Variants in HSD17B4 observed in about 807,000 individuals in gnomAD.
HSD17B4 encodes peroxisomal multifunctional enzyme type 2.
HSD17B4 carries 70 observed loss-of-function variants against 101.0 expected under a neutral mutation model. That is an observed-to-expected ratio of 0.69 (90% CI 0.57 to 0.85). HSD17B4 has a LOEUF of 0.85. Among genes scored for constraint, HSD17B4 ranks in the 40% least tolerant of loss-of-function variants. The probability of loss-of-function intolerance (pLI) is 0.00; values close to 1 mark genes in which losing one functional copy is unlikely to be tolerated. For synonymous variants in HSD17B4, 347 were observed against 297.1 expected, an observed-to-expected ratio of 1.17 and a Z score of -1.73; for missense variants, 984 against 892.4, an observed-to-expected ratio of 1.10 and a Z score of -1.31.
chr5:119,471,828 C>A (rs978509223), intron 2 of HSD17B4: 1 of 552,108 alleles, frequency 1.8e-6, no homozygotes, highest in Non-Finnish European at 3.1e-6. Context: ...GATATTTGTT[C>A]TTATTTGATT....
Position 119,492,050 on chromosome 5 carries a change from T to TTAG in HSD17B4, c.715-48_715-46dup. 2.8e-6 allele frequency: 4 copies of TTAG among 1,452,922 alleles called. No homozygotes were observed. In the South Asian group the frequency reaches 4.6e-5, roughly 17 times the overall value. 90.0% of individuals were successfully genotyped at this position (1,452,922 alleles called of 1,614,324 possible). ...CTTTTTTCTAATTAAAACAATTGTA[T>TTAG]TAGTGATTTCACATTAGATGGTATA... On this transcript the variant is annotated intron_variant, in intron 9 of 23. Coordinates refer to ENST00000510025, the MANE Select transcript of HSD17B4 (RefSeq NM_000414.4).
intron 2 of HSD17B4, among the ~76,000 whole-genome samples, chr5:119,459,038 T>TA (rs1754953436): frequency 6.6e-6 from 1 of 152,244 alleles, no homozygotes; most frequent in Non-Finnish European, 1.5e-5. Flanking sequence ...TAAATTGAAT[T>TA]ACAATCTTTT....
At chr5:119,479,438 T>A (rs955714731) in intron 8 of HSD17B4, among the ~76,000 whole-genome samples, 1 of 152,204 alleles carries the variant, frequency 6.6e-6, no homozygotes, top group African/African-American at 2.4e-5. Context: ...GTCAGAGTGG[T>A]ATATTTATTA....
At chr5:119,458,447 G>T (rs1211224680) in intron 2 of HSD17B4, among the ~76,000 whole-genome samples, 1 of 151,028 alleles carries the variant, frequency 6.6e-6, no homozygotes, top group East Asian at 1.9e-4. Flanking sequence ...GGTTCAAGCA[G>T]TTCTCTGCCT....
chr5:119,496,261 A>G (rs1375558094), intron 11 of HSD17B4, among the ~76,000 whole-genome samples: 1 of 152,206 alleles, frequency 6.6e-6, no homozygotes, highest in Non-Finnish European at 1.5e-5. Context: ...GCTTAAAGAC[A>G]TTGGAAAGCC....
intron 23 of HSD17B4, among the ~76,000 whole-genome samples, chr5:119,540,383 G>A (rs957415769): frequency 2.0e-5 from 3 of 152,208 alleles, no homozygotes; most frequent in Middle Eastern, 3.4e-3. Context: ...GTATGGTTAA[G>A]GGCTTTAAGA....
chr5:119,501,212 T>C (rs1175153476), intron 13 of HSD17B4, among the ~76,000 whole-genome samples: 2 of 152,156 alleles, frequency 1.3e-5, no homozygotes, highest in Non-Finnish European at 2.9e-5. Flanking sequence ...ATCTTGGAAC[T>C]TGAATCCTAG....
chr5:119,473,273 C>CTTTTTTTTTTTTTTTTTT (rs11408993), intron 2 of HSD17B4, among the ~76,000 whole-genome samples: 1 of 36,964 alleles, frequency 2.7e-5, no homozygotes, highest in Non-Finnish European at 4.6e-5. Flanking sequence ...GTGGATGAAT[C>CTTTTTTTTTTTTTTTTTT]TTTTTTTTTT....
At chr5:119,529,768 C>G (rs1049585604) in intron 20 of HSD17B4, 126 bp from the exon 21 acceptor site, 6 of 646,562 alleles carry the variant, frequency 9.3e-6, no homozygotes, top group Non-Finnish European at 1.4e-5. Flanking sequence ...TTTATTTTAT[C>G]TGGATTATTA....
rs1471328019 is a variant in HSD17B4, at chr5:119,493,899, A to G, written c.821A>G (p.Lys274Arg). Reference protein sequence around the residue: ...MTPEAVKANWKKICDFENASK... With the variant: ...MTPEAVKANWRKICDFENASK... ...CCTGAGGCAGTCAAGGCTAACTGGA[A>G]GAAGATCTGTGACTTTGAGAATGCC... The change falls in exon 11 of 24, where the codon AAG becomes AGG. Residue 274 changes from lysine (K) to arginine (R), a missense_variant. Physicochemically the swap from Lys to Arg is conservative, Grantham distance 26 (BLOSUM62 2). Transcript: ENST00000510025. The G allele has an allele frequency of 6.2e-7, 1 of 1,613,432 alleles. No individual in the cohort carries two copies. Among genetic ancestry groups the G allele is most frequent in the African/African-American group, 1.3e-5 (1 of 75,020 alleles).
intron 2 of HSD17B4, among the ~76,000 whole-genome samples, chr5:119,464,362 G>C (rs549708552): frequency 3.9e-5 from 6 of 152,210 alleles, no homozygotes; most frequent in Non-Finnish European, 7.4e-5. Context: ...GTTGATTTTT[G>C]TATATGATGA....
rs2126880672 is a variant in HSD17B4, at chr5:119,527,123, T to C, written c.1681-10T>C. On this transcript the variant is annotated splice_polypyrimidine_tract_variant and intron_variant, in intron 19 of 23. Coordinates refer to ENST00000510025, the MANE Select transcript of HSD17B4 (RefSeq NM_000414.4). ...TAAAACATTTTTAACCCCACAATTCTTTTTTAAAGGCTCGTTTTGCAAAAC... is the reference window on the plus strand; with the variant it reads ...TAAAACATTTTTAACCCCACAATTCCTTTTTAAAGGCTCGTTTTGCAAAAC... 3 of 1,550,686 alleles carry C rather than the reference T, an allele frequency of 1.9e-6. No individual in the cohort carries two copies. Among genetic ancestry groups the C allele is most frequent in the Non-Finnish European group, 1.8e-6 (2 of 1,122,724 alleles).
chr5:119,498,984 C>A (rs902601952), intron 12 of HSD17B4, among the ~76,000 whole-genome samples: 2 of 152,168 alleles, frequency 1.3e-5, no homozygotes, highest in Admixed American at 6.5e-5. Context: ...ATCTTACAAG[C>A]AATTTACTAT....
At chr5:119,452,763 C>G in intron 1 of HSD17B4, 130 bp downstream of exon 1, 1 of 1,574,556 alleles carries the variant, frequency 6.4e-7, no homozygotes, top group Non-Finnish European at 8.6e-7. Context: ...AATGGTTATT[C>G]TTGAGGCACC....
chr5:119,517,450 G>A (rs1399778786), intron 17 of HSD17B4, among the ~76,000 whole-genome samples: 2 of 152,230 alleles, frequency 1.3e-5, no homozygotes, highest in Non-Finnish European at 2.9e-5. Flanking sequence ...CTGCTCCACG[G>A]CGCCCAGTCC....
rs187555406 is a variant in HSD17B4 at position 119,531,237 on chromosome 5, T to C, written c.1855-29T>C. 344 of 1,611,780 alleles carry C rather than the reference T, an allele frequency of 2.1e-4. 3 individuals carry two copies. The East Asian group carries it at 6.2e-3, about 29-fold the overall frequency. Reference sequence around the variant, plus strand: ...CTCCATGAGTTATTTTTACAGAACTTTTAAAGTTTATTTTGTTGTCGTTGT... The same window carrying C: ...CTCCATGAGTTATTTTTACAGAACTCTTAAAGTTTATTTTGTTGTCGTTGT... On this transcript the variant is annotated intron_variant, in intron 21 of 23. Transcript: ENST00000510025.
Position 119,499,409 on chromosome 5 carries a change from C to T in HSD17B4, c.1065C>T (p.Ile355=), listed in dbSNP as rs2126780991. ...ATGCCCTTGGAGTGGGAGCGTCAAT[C>T]AAGGATCCAAAAGATTTGAAATTTA... is the stretch of plus-strand genomic sequence containing the variant. The part of the protein sequence containing the change: ...IMYALGVGAS[I]KDPKDLKFIY... The change falls in exon 13 of 24, where the codon ATC becomes ATT. Residue 355 remains isoleucine, a synonymous_variant. Transcript: ENST00000510025. The T allele has an allele frequency of 6.2e-7, 1 of 1,613,568 alleles. No homozygotes were observed. Among genetic ancestry groups the T allele is most frequent in the East Asian group, 2.2e-5 (1 of 44,832 alleles).
At chr5:119,539,922 CAAAA>C (rs35193622) in intron 23 of HSD17B4, among the ~76,000 whole-genome samples, 6 of 105,848 alleles carry the variant, frequency 5.7e-5, no homozygotes, top group Admixed American at 2.1e-4. Flanking sequence ...CTGTCTCTAC[CAAAA>C]AAAAAAAAAA....
At chr5:119,484,910 C>T (rs1034418611) in intron 8 of HSD17B4, among the ~76,000 whole-genome samples, 3 of 151,898 alleles carry the variant, frequency 2.0e-5, no homozygotes, top group South Asian at 2.1e-4. Context: ...TTCTCATAGT[C>T]GTGTCAAAGG....
Sources: gnomAD v4.1 joint callset for allele counts (sites outside exome capture counted in the v4.1 genomes callset) on GRCh38, gnomAD v4.1.1 for gene constraint, MANE v1.5 for transcripts, NCBI Gene and HGNC (gene_info 2026-07-23, HGNC 2026-07-21) for gene names.